Variants in NELL1 observed in about 807,000 individuals in gnomAD.
NELL1 encodes neural EGFL like 1.
NELL1 carries 76 observed loss-of-function variants against 107.4 expected under a neutral mutation model. That is an observed-to-expected ratio of 0.71 (90% CI 0.59 to 0.86). NELL1 has a LOEUF of 0.86. Among genes scored for constraint, NELL1 ranks in the 40% least tolerant of loss-of-function variants. The probability of loss-of-function intolerance (pLI) is 0.00; values close to 1 mark genes in which losing one functional copy is unlikely to be tolerated. For synonymous variants in NELL1, 353 were observed against 341.2 expected (o/e 1.03, Z -0.38); for missense variants, 1,024 against 1,005.5 (o/e 1.02, Z -0.25).
chr11:20,865,875 GT>G (rs917447678), intron 4 of NELL1, among the ~76,000 whole-genome samples: 15 of 152,144 alleles, frequency 9.9e-5, no homozygotes, highest in African/African-American at 3.6e-4. Context: ...AGTATACTGA[GT>G]TTCCCACAGG....
intron 12 of NELL1, among the ~76,000 whole-genome samples, chr11:21,080,662 C>T (rs765514877): frequency 2.6e-5 from 4 of 152,040 alleles, no homozygotes; most frequent in Non-Finnish European, 5.9e-5. Flanking sequence ...CCTATCTGTG[C>T]ACATGGTACA....
At chr11:21,465,966 A>T (rs1253707002) in intron 15 of NELL1, among the ~76,000 whole-genome samples, 4 of 152,040 alleles carry the variant, frequency 2.6e-5, no homozygotes, top group African/African-American at 9.7e-5. Context: ...CTACCTTTCT[A>T]ACTGCAGTCA....
chr11:21,399,720 C>G (rs1214613288), intron 15 of NELL1, among the ~76,000 whole-genome samples: 2 of 151,716 alleles, frequency 1.3e-5, no homozygotes, highest in African/African-American at 4.8e-5. Context: ...AGACCTAGGG[C>G]TTGAATTTAA....
chr11:21,058,246 A>T (rs78836537), intron 12 of NELL1, among the ~76,000 whole-genome samples: 3,644 of 152,246 alleles, frequency 0.024, 122 homozygotes, highest in African/African-American at 0.083. Context: ...ACAATTTTTT[A>T]AAATTAGAAT....
chr11:20,960,356 A>G (rs1338191738), intron 11 of NELL1, 76 bp from the exon 12 acceptor site: 16 of 1,443,378 alleles, frequency 1.1e-5, no homozygotes, highest in African/African-American at 1.4e-5. Context: ...TATAATAAAA[A>G]ATGTTACATA....
At chr11:20,832,664 TAA>T (rs1229832159) in intron 3 of NELL1, among the ~76,000 whole-genome samples, 1 of 152,258 alleles carries the variant, frequency 6.6e-6, no homozygotes, top group African/African-American at 2.4e-5. Flanking sequence ...CTGTAGAAAA[TAA>T]AAGTTTCTTA....
chr11:21,035,081 A>G, intron 12 of NELL1, among the ~76,000 whole-genome samples: 1 of 152,172 alleles, frequency 6.6e-6, no homozygotes, highest in Non-Finnish European at 1.5e-5. Flanking sequence ...CAGAACTACA[A>G]ACAACCATTA....
chr11:21,354,528 C>T (rs577825250), intron 14 of NELL1, among the ~76,000 whole-genome samples: 9 of 152,266 alleles, frequency 5.9e-5, no homozygotes, highest in African/African-American at 2.2e-4. Flanking sequence ...TAACTTTCTC[C>T]GGGCTAGCTA....
chr11:20,896,057 A>G (rs911528094), intron 5 of NELL1, among the ~76,000 whole-genome samples: 5 of 151,930 alleles, frequency 3.3e-5, no homozygotes, highest in Admixed American at 3.3e-4. Context: ...TTTAGTGGTG[A>G]TTTGTGAGAT....
chr11:20,699,627 G>C (rs1854719785), intron 2 of NELL1, among the ~76,000 whole-genome samples: 1 of 152,004 alleles, frequency 6.6e-6, no homozygotes. Flanking sequence ...CAAAGTGCTG[G>C]GATTACAGGC....
intron 15 of NELL1, among the ~76,000 whole-genome samples, chr11:21,393,017 C>T (rs1218876276): frequency 1.3e-5 from 2 of 150,246 alleles, no homozygotes; most frequent in Non-Finnish European, 1.5e-5. Flanking sequence ...TAAGCAAGAG[C>T]TATTTCACAT....
chr11:21,004,141 G>A (rs1307510161), intron 12 of NELL1, among the ~76,000 whole-genome samples: 1 of 152,048 alleles, frequency 6.6e-6, no homozygotes, highest in Non-Finnish European at 1.5e-5. Context: ...TGGTACTAAG[G>A]TTTAGTTATT....
intron 15 of NELL1, among the ~76,000 whole-genome samples, chr11:21,374,637 C>G (rs894220044): frequency 3.9e-5 from 6 of 152,014 alleles, no homozygotes; most frequent in African/African-American, 1.4e-4. Context: ...TATTTGTGGG[C>G]ATATTTTAAA....
chr11:20,733,321 A>G (rs1855690130), intron 2 of NELL1, among the ~76,000 whole-genome samples: 1 of 152,188 alleles, frequency 6.6e-6, no homozygotes, highest in Non-Finnish European at 1.5e-5. Flanking sequence ...GTGACATCTA[A>G]TTGATGTAGG....
intron 15 of NELL1, among the ~76,000 whole-genome samples, chr11:21,474,097 T>A (rs1257885541): frequency 2.0e-5 from 3 of 152,094 alleles, no homozygotes; most frequent in Non-Finnish European, 4.4e-5. Context: ...CCTATGAGAT[T>A]CTGCATAATC....
intron 12 of NELL1, among the ~76,000 whole-genome samples, chr11:21,034,419 C>T (rs942953549): frequency 1.3e-5 from 2 of 152,126 alleles, no homozygotes; most frequent in Non-Finnish European, 2.9e-5. Context: ...CCACAGAACT[C>T]TCTACCCAAA....
chr11:21,331,992 C>A (rs532810651), intron 14 of NELL1, among the ~76,000 whole-genome samples: 2 of 151,882 alleles, frequency 1.3e-5, no homozygotes, highest in African/African-American at 2.4e-5. Flanking sequence ...AAGTTTGGTT[C>A]GTGTCAGTCT....
At chr11:20,972,080 T>C (rs1851513340) in intron 12 of NELL1, among the ~76,000 whole-genome samples, 1 of 152,048 alleles carries the variant, frequency 6.6e-6, no homozygotes, top group African/African-American at 2.4e-5. Context: ...ACCTAATGCA[T>C]GCAGGGCTTA....
At chr11:21,146,143 G>T (rs1251575646) in intron 13 of NELL1, among the ~76,000 whole-genome samples, 1 of 152,098 alleles carries the variant, frequency 6.6e-6, no homozygotes, top group Non-Finnish European at 1.5e-5. Context: ...TATGTAATGT[G>T]TATAAAATCT....
Sources: allele counts gnomAD v4.1 joint callset (sites outside exome capture counted in the v4.1 genomes callset), GRCh38; gene constraint gnomAD v4.1.1; transcripts MANE v1.5; gene names NCBI Gene and HGNC (gene_info 2026-07-23, HGNC 2026-07-21).